The following MYO6 variants were observed in gnomAD, a reference collection of about 807,000 sequenced individuals.
MYO6 encodes unconventional myosin-VI.
A neutral mutation model predicts 178.7 loss-of-function variants in MYO6; 74 were observed. The ratio of observed to expected loss-of-function variants is 0.41; its 90% confidence interval spans 0.34 to 0.50. The LOEUF is 0.50. Among genes scored for constraint, MYO6 ranks in the 20% least tolerant of loss-of-function variants. The pLI is 0.09. For synonymous variants in MYO6, 477 were observed against 504.6 expected, an observed-to-expected ratio of 0.95 and a Z score of 0.73; for missense variants, 1,330 against 1,547.4, an observed-to-expected ratio of 0.86 and a Z score of 2.36.
chr6:75,794,571 A>G (rs904437629), intron 1 of MYO6, among the ~76,000 whole-genome samples: 2 of 152,118 alleles, frequency 1.3e-5, no homozygotes, highest in African/African-American at 4.8e-5. Flanking sequence ...TAATTTAAGT[A>G]TGAAGGTAGA....
chr6:75,908,741 T>C lies in MYO6; in HGVS notation c.3412+114T>C. On this transcript the variant is annotated intron_variant, in intron 32 of 34. Transcript: ENST00000369977. ...TATAAATTTTCTCCTATTTTAGAAC[T>C]GTGAGCCATTGAACCTAATACAGCC... The C allele has an allele frequency of 4.4e-6, 5 of 1,137,182 alleles. No homozygotes were observed. The South Asian group carries it at 5.3e-5, about 12-fold the overall frequency. The allele number at this position is 1,137,182 out of a possible 1,614,324, so 70.4% of individuals were successfully genotyped here. A position where few individuals can be genotyped will look rare whatever the true frequency, so the allele number is the denominator to read the frequency against.
intron 1 of MYO6, among the ~76,000 whole-genome samples, chr6:75,782,909 C>CTTT (rs397888755): frequency 1.4e-4 from 16 of 117,950 alleles, no homozygotes; most frequent in Non-Finnish European, 2.0e-4. Flanking sequence ...AGCTAGTTAG[C>CTTT]TTTTTTTTTT....
chr6:75,775,389 G>C lies in MYO6; in HGVS notation c.-48+25966G>C, dbSNP rs1352863340. On this transcript the variant is annotated intron_variant, in intron 1 of 34. Coordinates refer to ENST00000369977, the MANE Select transcript of MYO6 (RefSeq NM_004999.4). ...AATGCTGCCTTGGCTTCTGGCACTG[G>C]GGGGTTGGGCTGGCCCTTGTCTCTG... Among the ~76,000 whole-genome samples the C allele has an allele frequency of 7.9e-5, 12 of 152,322 alleles. No homozygotes were observed. The South Asian group carries it at 8.3e-4, about 11-fold the overall frequency.
chr6:75,783,086 T>A (rs1437872211), intron 1 of MYO6, among the ~76,000 whole-genome samples: 2 of 151,930 alleles, frequency 1.3e-5, no homozygotes, highest in Admixed American at 6.6e-5. Context: ...AGCTAATTTT[T>A]AATTTTTTTT....
chr6:75,880,818 T>G, intron 22 of MYO6, among the ~76,000 whole-genome samples: 1 of 152,334 alleles, frequency 6.6e-6, no homozygotes. Flanking sequence ...TTATAGTGGG[T>G]TATTTGGTAA....
intron 12 of MYO6, 36 bp from the exon 13 acceptor site, chr6:75,857,061 A>G (rs757874523): frequency 5.0e-6 from 8 of 1,608,424 alleles, no homozygotes; most frequent in African/African-American, 1.3e-5. Flanking sequence ...GTGCACTATT[A>G]TAAAGAATTT....
intron 30 of MYO6, among the ~76,000 whole-genome samples, chr6:75,900,990 A>T (rs1011310993): frequency 6.6e-6 from 1 of 151,492 alleles, no homozygotes; most frequent in Non-Finnish European, 1.5e-5. Flanking sequence ...TTAAATAGGG[A>T]ATCCTTTCCC....
chr6:75,884,910 G>C (rs1433863343), intron 23 of MYO6, among the ~76,000 whole-genome samples: 4 of 152,240 alleles, frequency 2.6e-5, no homozygotes, highest in Non-Finnish European at 5.9e-5. Context: ...GCTGGAGGCT[G>C]TGTGGCTCCT....
intron 10 of MYO6, 122 bp downstream of exon 10, chr6:75,845,099 A>T: frequency 1.3e-6 from 1 of 775,616 alleles, no homozygotes; most frequent in Non-Finnish European, 2.2e-6. Context: ...ATACTTTAAA[A>T]AATTAAATAT....
At chr6:75,806,387 CAA>C (rs35917621) in intron 1 of MYO6, among the ~76,000 whole-genome samples, 270 of 123,818 alleles carry the variant, frequency 2.2e-3, no homozygotes, top group Non-Finnish European at 2.8e-3. Context: ...GACTCTGTCT[CAA>C]AAAAAAAAAA....
At chr6:75,762,604 T>G (rs546747782) in intron 1 of MYO6, among the ~76,000 whole-genome samples, 3 of 152,324 alleles carry the variant, frequency 2.0e-5, no homozygotes, top group East Asian at 1.9e-4. Flanking sequence ...TGCCCCACTC[T>G]CAAGTCCAGG....
Position 75,915,103 on chromosome 6 carries a change from T to TA in MYO6, c.*92dup. 1 of 1,196,156 alleles carries TA rather than the reference T, an allele frequency of 8.4e-7. No individual in the cohort carries two copies. The highest frequency in any genetic ancestry group is 1.2e-6 in the Non-Finnish European group (1 of 829,824). The allele number at this position is 1,196,156 out of a possible 1,614,324, so 74.1% of individuals were successfully genotyped here. A position where few individuals can be genotyped will look rare whatever the true frequency, so the allele number is the denominator to read the frequency against. ...AGATTTAACCATTCCATAATCATGT[T>TA]AGAGTTACTTCTATAAAGTGAACAG... On this transcript the variant is annotated 3_prime_UTR_variant, in exon 35 of 35. Transcript: ENST00000369977.
At chr6:75,865,704 A>G (rs1050738912) in intron 16 of MYO6, among the ~76,000 whole-genome samples, 1 of 148,120 alleles carries the variant, frequency 6.8e-6, no homozygotes, top group African/African-American at 2.4e-5. Flanking sequence ...TTCAAGGGTC[A>G]GATGTGATCT....
chr6:75,761,422 A>T (rs1049157529), intron 1 of MYO6, among the ~76,000 whole-genome samples: 1 of 152,214 alleles, frequency 6.6e-6, no homozygotes, highest in African/African-American at 2.4e-5. Context: ...ATTTAATTTT[A>T]TATTTTATAG....
intron 22 of MYO6, 145 bp downstream of exon 22, chr6:75,880,265 T>A: frequency 2.9e-6 from 2 of 697,190 alleles, no homozygotes; most frequent in South Asian, 3.9e-5. Flanking sequence ...CCATACCATT[T>A]CTCAGAAAAG....
chr6:75,909,221 C>T (rs2149420144), intron 32 of MYO6, among the ~76,000 whole-genome samples: 1 of 152,162 alleles, frequency 6.6e-6, no homozygotes, highest in South Asian at 2.1e-4. Context: ...TAATGTAGCT[C>T]AGTTTTTAGA....
chr6:75,828,076 AT>A (rs1427237720), intron 3 of MYO6, among the ~76,000 whole-genome samples: 1 of 152,180 alleles, frequency 6.6e-6, no homozygotes, highest in Non-Finnish European at 1.5e-5. Flanking sequence ...AGGAGTCTTC[AT>A]TATGTCAGTT....
Position 75,840,698 on chromosome 6 carries a change from C to T in MYO6, c.651+16C>T. ...TAATGAAAAGGTAAGTGAGAGTAAGCTTTGGAATGATATTTTTGGGGAGTG... is the reference window on the plus strand; with the variant it reads ...TAATGAAAAGGTAAGTGAGAGTAAGTTTTGGAATGATATTTTTGGGGAGTG... On this transcript the variant is annotated intron_variant, in intron 8 of 34. Coordinates refer to ENST00000369977, the MANE Select transcript of MYO6 (RefSeq NM_004999.4). 1 of 1,571,148 alleles carries T rather than the reference C, an allele frequency of 6.4e-7. No individual in the cohort carries two copies. The highest frequency in any genetic ancestry group is 8.8e-7 in the Non-Finnish European group (1 of 1,141,616).
intron 25 of MYO6, among the ~76,000 whole-genome samples, chr6:75,889,154 G>GA (rs922708134): frequency 5.9e-5 from 9 of 151,476 alleles, no homozygotes; most frequent in African/African-American, 1.9e-4. Flanking sequence ...AGGTAGAAAG[G>GA]AAAAAAAAGA....
Sources: allele counts gnomAD v4.1 joint callset (sites outside exome capture counted in the v4.1 genomes callset), GRCh38; gene constraint gnomAD v4.1.1; transcripts MANE v1.5; gene names NCBI Gene and HGNC (gene_info 2026-07-23, HGNC 2026-07-21).